PITPNC1: variants seen among roughly 807,000 people sequenced by gnomAD.
The protein encoded by PITPNC1 is phosphatidylinositol transfer protein cytoplasmic 1, also known as cytoplasmic phosphatidylinositol transfer protein 1.
PITPNC1 carries 18 observed loss-of-function variants against 44.7 expected under a neutral mutation model. The observed-to-expected ratio is 0.40, with a 90% CI of 0.28 to 0.60. The LOEUF (loss-of-function observed/expected upper bound fraction) is 0.60. PITPNC1 is among the 20% of genes least tolerant of loss of function. The probability of loss-of-function intolerance (pLI) is 0.39; values close to 1 mark genes in which losing one functional copy is unlikely to be tolerated. For synonymous variants in PITPNC1, 141 were observed against 149.6 expected, an observed-to-expected ratio of 0.94 and a Z score of 0.42; for missense variants, 290 against 418.4, an observed-to-expected ratio of 0.69 and a Z score of 2.68.
In PITPNC1 at chr17:67,589,692, G is replaced by A. The variant is rs191910143; in HGVS notation, c.366+11435G>A. On this transcript the variant is annotated intron_variant, in intron 5 of 8. Transcript: ENST00000581322. ...CAGGATATATCACCACCAATGCTGG[G>A]TGTGTTAGCTCACACCTATAATCTC... 4.6e-4 allele frequency among the ~76,000 whole-genome samples: 70 copies of A among 152,166 alleles called. 1 individual carries two copies. Among genetic ancestry groups the A allele is most frequent in the African/African-American group, 1.5e-3 (64 of 41,516 alleles).
At chr17:67,514,053 G>A (rs980974036) in intron 1 of PITPNC1, among the ~76,000 whole-genome samples, 5 of 146,768 alleles carry the variant, frequency 3.4e-5, no homozygotes, top group African/African-American at 1.0e-4. Context: ...TGTGTAGGTC[G>A]AGATAGAAGA....
At position 67,478,899 on chromosome 17, in the gene PITPNC1, T is replaced by A. The variant is rs186787634; in HGVS notation, c.49-53903T>A. ...ACTTTCTTCAATCTTTTTTTTTTTT[T>A]AATATATATATATTTCTTTCTTCTC... On this transcript the variant is annotated intron_variant, in intron 1 of 8. Coordinates refer to ENST00000581322, the MANE Select transcript of PITPNC1 (RefSeq NM_012417.4). 3.8e-4 allele frequency among the ~76,000 whole-genome samples: 58 copies of A among 151,782 alleles called. No individual in the cohort carries two copies. The East Asian group carries it at 8.9e-3, about 23-fold the overall frequency.
chr17:67,447,125 C>T (rs998880755), intron 1 of PITPNC1, among the ~76,000 whole-genome samples: 1 of 141,362 alleles, frequency 7.1e-6, no homozygotes, highest in Non-Finnish European at 1.6e-5. Flanking sequence ...AAGAATGACC[C>T]TAGGATCTAA....
chr17:67,565,130 A>G (rs995659474), intron 4 of PITPNC1, among the ~76,000 whole-genome samples: 3 of 149,126 alleles, frequency 2.0e-5, no homozygotes, highest in South Asian at 2.2e-4. Flanking sequence ...TAGTTTTTCC[A>G]TATTTTTCAG....
chr17:67,399,924 C>T (rs2038282504), intron 1 of PITPNC1, among the ~76,000 whole-genome samples: 1 of 152,196 alleles, frequency 6.6e-6, no homozygotes, highest in Non-Finnish European at 1.5e-5. Context: ...TTGAGAAAGA[C>T]TCATTTTCCT....
intron 8 of PITPNC1, among the ~76,000 whole-genome samples, chr17:67,682,729 C>T (rs1167755388): frequency 6.6e-6 from 1 of 152,092 alleles, no homozygotes; most frequent in Non-Finnish European, 1.5e-5. Context: ...GGCAATTATC[C>T]CCAGTATTGC....
intron 1 of PITPNC1, chr17:67,408,913 G>A (rs567263803): frequency 6.6e-6 from 1 of 152,018 alleles, no homozygotes; most frequent in Non-Finnish European, 1.5e-5. Context: ...TTGTGCCTTG[G>A]TTTAACATCT....
chr17:67,690,405 G>A (rs550098349), intron 8 of PITPNC1, among the ~76,000 whole-genome samples: 8 of 148,700 alleles, frequency 5.4e-5, no homozygotes, highest in South Asian at 2.1e-4. Context: ...CCGAGATCTC[G>A]CCGTTGCACT....
intron 1 of PITPNC1, among the ~76,000 whole-genome samples, chr17:67,449,597 C>T (rs1239450376): frequency 1.3e-5 from 2 of 152,172 alleles, no homozygotes; most frequent in Admixed American, 1.3e-4. Context: ...AAGACATGTA[C>T]CATTGCTGGG....
At chr17:67,580,414 C>A (rs192315134) in intron 5 of PITPNC1, among the ~76,000 whole-genome samples, 1 of 152,234 alleles carries the variant, frequency 6.6e-6, no homozygotes, top group African/African-American at 2.4e-5. Flanking sequence ...AGCACGATCT[C>A]AGGTCACTGC....
chr17:67,636,445 A>G (rs1434143179), intron 6 of PITPNC1, among the ~76,000 whole-genome samples: 1 of 152,176 alleles, frequency 6.6e-6, no homozygotes, highest in Non-Finnish European at 1.5e-5. Context: ...TCTTACGGTT[A>G]CTAAATGGAT....
intron 6 of PITPNC1, among the ~76,000 whole-genome samples, chr17:67,656,531 TA>T (rs1269108427): frequency 6.6e-6 from 1 of 152,210 alleles, no homozygotes; most frequent in Non-Finnish European, 1.5e-5. Flanking sequence ...AGATAGATAC[TA>T]GGGGTTAAGA....
chr17:67,415,514 C>T (rs1178265620), intron 1 of PITPNC1, among the ~76,000 whole-genome samples: 1 of 152,212 alleles, frequency 6.6e-6, no homozygotes, highest in African/African-American at 2.4e-5. Flanking sequence ...TCTGCCCTTC[C>T]CTTGTGTCCT....
intron 1 of PITPNC1, among the ~76,000 whole-genome samples, chr17:67,421,546 G>A (rs1300866520): frequency 1.3e-5 from 2 of 152,144 alleles, no homozygotes; most frequent in African/African-American, 4.8e-5. Flanking sequence ...GCCTCCCAAA[G>A]TGCTGGGATT....
chr17:67,585,118 GAAA>G (rs397857902), intron 5 of PITPNC1, among the ~76,000 whole-genome samples: 2 of 82,076 alleles, frequency 2.4e-5, no homozygotes, highest in Non-Finnish European at 2.7e-5. Context: ...CTCCATCTCA[GAAA>G]AAAAAAAAAA....
intron 5 of PITPNC1, among the ~76,000 whole-genome samples, chr17:67,603,530 C>G (rs2041569456): frequency 6.6e-6 from 1 of 152,208 alleles, no homozygotes; most frequent in Admixed American, 6.5e-5. Flanking sequence ...CACAGCCTCA[C>G]AGCTAGCAAG....
At chr17:67,667,670 TA>T (rs546338527) in intron 6 of PITPNC1, among the ~76,000 whole-genome samples, 259 of 137,876 alleles carry the variant, frequency 1.9e-3, no homozygotes, top group Non-Finnish European at 2.4e-3. Context: ...TGATTAAACT[TA>T]AAAAAAAAAA....
At chr17:67,434,869 G>T (rs1425033047) in intron 1 of PITPNC1, among the ~76,000 whole-genome samples, 10 of 151,566 alleles carry the variant, frequency 6.6e-5, no homozygotes, top group Non-Finnish European at 4.4e-5. Context: ...AACACTTTGG[G>T]AGGCTGAGGT....
At chr17:67,645,024 T>C (rs188211859) in intron 6 of PITPNC1, among the ~76,000 whole-genome samples, 1 of 152,136 alleles carries the variant, frequency 6.6e-6, no homozygotes, top group African/African-American at 2.4e-5. Flanking sequence ...TCCCATCTTT[T>C]TTCATGCCTT....
Sources: gnomAD v4.1 joint callset for allele counts (sites outside exome capture counted in the v4.1 genomes callset) on GRCh38, gnomAD v4.1.1 for gene constraint, MANE v1.5 for transcripts, NCBI Gene and HGNC (gene_info 2026-07-23, HGNC 2026-07-21) for gene names.